Variants in SPINT1 observed in about 807,000 individuals in gnomAD.
The protein encoded by SPINT1 is kunitz-type protease inhibitor 1.
A neutral mutation model predicts 53.7 loss-of-function variants in SPINT1; 38 were observed. That is an observed-to-expected ratio of 0.71 (90% CI 0.55 to 0.93). The LOEUF (loss-of-function observed/expected upper bound fraction) is 0.93. SPINT1 is among the 40% of genes least tolerant of loss of function. The pLI is 0.00. For missense variants in SPINT1, 645 were observed against 692.9 expected, an observed-to-expected ratio of 0.93 and a Z score of 0.78; for synonymous variants, 283 against 280.6, an observed-to-expected ratio of 1.01 and a Z score of -0.08.
At chr15:40,854,159 C>G in intron 6 of SPINT1, 73 bp downstream of exon 6, 1 of 1,480,820 alleles carries the variant, frequency 6.8e-7, no homozygotes, top group Non-Finnish European at 9.1e-7. Flanking sequence ...TGCCCCTAAG[C>G]AGCCTGCCTT....
At chr15:40,847,664 C>T (rs1303904131) in intron 2 of SPINT1, among the ~76,000 whole-genome samples, 4 of 152,084 alleles carry the variant, frequency 2.6e-5, no homozygotes, top group African/African-American at 9.7e-5. Context: ...CCACTCTAGC[C>T]CTTTGCTCTC....
At chr15:40,852,956 G>A (rs1277428792) in intron 2 of SPINT1, among the ~76,000 whole-genome samples, 168 bp from the exon 3 acceptor site, 3 of 151,990 alleles carry the variant, frequency 2.0e-5, no homozygotes, top group African/African-American at 7.3e-5. Flanking sequence ...TCTGAATAGA[G>A]ATCAAGAAGC....
At chr15:40,849,012 C>T (rs1309635048) in intron 2 of SPINT1, among the ~76,000 whole-genome samples, 30 of 151,560 alleles carry the variant, frequency 2.0e-4, no homozygotes, top group Admixed American at 1.8e-3. Flanking sequence ...TTTGGGAGGC[C>T]GGGGCGGGCG....
rs1193865717 is a variant in SPINT1 at position 40,854,663 on chromosome 15, A to G, written c.1091A>G (p.Gln364Arg). Residue 364 changes from glutamine to arginine, a missense_variant, in exon 8 of 11, where the codon CAG (glutamine) becomes CGG (arginine). Physicochemically the swap from Gln to Arg is conservative, Grantham distance 43. Transcript: ENST00000562057. ...GACACGAGTGGCTTTGACGAGCTCC[A>G]GCGCATCCATTTCCCCAGTGACAAA... ...EKYTSGFDEL[Q>R]RIHFPSDKGH... 8 of 1,614,142 alleles carry G rather than the reference A, an allele frequency of 5.0e-6. No individual in the cohort carries two copies. Among genetic ancestry groups the G allele is most frequent in the Non-Finnish European group, 5.9e-6 (7 of 1,180,016 alleles).
intron 2 of SPINT1, among the ~76,000 whole-genome samples, chr15:40,846,715 G>C (rs1861606230): frequency 6.6e-6 from 1 of 152,172 alleles, no homozygotes; most frequent in Non-Finnish European, 1.5e-5. Context: ...GTGGAGAAAG[G>C]GCTTTCCTCC....
intron 2 of SPINT1, among the ~76,000 whole-genome samples, chr15:40,850,803 C>T (rs1891432400): frequency 6.6e-6 from 1 of 152,232 alleles, no homozygotes; most frequent in African/African-American, 2.4e-5. Context: ...AGCCTCCTCG[C>T]TCCACAGAAT....
intron 2 of SPINT1, 95 bp from the exon 3 acceptor site, chr15:40,853,029 G>A (rs1891508823): frequency 6.6e-7 from 1 of 1,522,138 alleles, no homozygotes; most frequent in African/African-American, 1.4e-5. Context: ...TTTGGTCTAG[G>A]TGGGGCCCAT....
intron 6 of SPINT1, 136 bp downstream of exon 6, chr15:40,854,222 C>A: frequency 7.4e-7 from 1 of 1,354,480 alleles, no homozygotes; most frequent in Non-Finnish European, 1.0e-6. Context: ...AAACATCCCA[C>A]CCCTTCCAGC....
Position 40,857,156 on chromosome 15 carries a change from A to C in SPINT1, c.*181A>C. On this transcript the variant is annotated 3_prime_UTR_variant, in exon 11 of 11. Transcript: ENST00000562057. ...TAAGCTCACGTCCTGAGAAAGCTCAAAGGTTTGGAAGGAGCAGAAAACCCT... is the reference window on the plus strand; with the variant it reads ...TAAGCTCACGTCCTGAGAAAGCTCACAGGTTTGGAAGGAGCAGAAAACCCT... The C allele has an allele frequency of 3.7e-6, 3 of 806,236 alleles. No individual in the cohort carries two copies. Among genetic ancestry groups the C allele is most frequent in the Non-Finnish European group, 5.7e-6 (3 of 527,002 alleles). The allele number at this position is 806,236 out of a possible 1,614,324, so 49.9% of individuals were successfully genotyped here.
intron 2 of SPINT1, 84 bp from the exon 3 acceptor site, chr15:40,853,040 A>T: frequency 6.5e-7 from 1 of 1,543,478 alleles, no homozygotes; most frequent in East Asian, 2.3e-5. Context: ...TGGGGCCCAT[A>T]CTTTCACCAC....
chr15:40,845,579 G>A (rs1891271108), intron 2 of SPINT1, among the ~76,000 whole-genome samples: 4 of 152,150 alleles, frequency 2.6e-5, no homozygotes, highest in Admixed American at 2.6e-4. Context: ...AAATGAAAGG[G>A]GACATGAGTA....
At chr15:40,854,034 C>G (rs766196867) in intron 5 of SPINT1, 26 bp from the exon 6 acceptor site, 39 of 1,567,242 alleles carry the variant, frequency 2.5e-5, no homozygotes, top group Non-Finnish European at 3.4e-5. Flanking sequence ...GTCATGCCTC[C>G]TCTCATTCTC....
intron 5 of SPINT1, 44 bp from the exon 6 acceptor site, chr15:40,854,016 G>A (rs373852046): frequency 1.3e-6 from 2 of 1,572,162 alleles, no homozygotes; most frequent in African/African-American, 1.4e-5. Context: ...CATCCCCACT[G>A]GAGCCTGGTC....
At position 40,855,979 on chromosome 15, in the gene SPINT1, G is replaced by T; in HGVS notation, c.1205G>T (p.Arg402Leu). The T allele has an allele frequency of 6.2e-7, 1 of 1,614,228 alleles. No homozygotes were observed. Among genetic ancestry groups the T allele is most frequent in the Non-Finnish European group, 8.5e-7 (1 of 1,180,042 alleles). The part of the protein sequence containing the change: ...YYNPFSEHCA[R>L]FTYGGCYGNK... ...AACCCCTTCAGCGAACACTGCGCCC[G>T]CTTTACCTATGGTGGTTGTTACGGC... The change falls in exon 9 of 11, where the codon CGC becomes CTC. Residue 402 changes from arginine to leucine, a missense_variant. Physicochemically the swap from Arg to Leu is moderately radical, Grantham distance 102. Coordinates refer to ENST00000562057, the MANE Select transcript of SPINT1 (RefSeq NM_003710.4).
intron 2 of SPINT1, among the ~76,000 whole-genome samples, chr15:40,852,627 C>CTGTGTGTGTGTGTG (rs3033553): frequency 6.1e-4 from 88 of 143,498 alleles, no homozygotes; most frequent in African/African-American, 2.1e-3. Context: ...AAGTAAGTGT[C>CTGTGTGTGTGTGTG]TGTGTGTGTG....
chr15:40,856,665 T>TC, intron 10 of SPINT1, 105 bp from the exon 11 acceptor site: 2 of 1,559,908 alleles, frequency 1.3e-6, no homozygotes, highest in Non-Finnish European at 8.7e-7. Context: ...CCCATGTCCT[T>TC]CCATACCTGG....
intron 2 of SPINT1, among the ~76,000 whole-genome samples, chr15:40,847,767 G>A (rs991799915): frequency 7.9e-5 from 12 of 152,206 alleles, no homozygotes; most frequent in East Asian, 7.7e-4. Context: ...TGTTGGGGTG[G>A]GATTCAGCCC....
In SPINT1 at chr15:40,854,106, C is replaced by G; in HGVS notation, c.940+20C>G. ...ATCCAGGTGGGCTTTACTCCCCTCC[C>G]CATCCCCCATCCCCACCACATCTCT... On this transcript the variant is annotated intron_variant, in intron 6 of 10. Coordinates refer to ENST00000562057, the MANE Select transcript of SPINT1 (RefSeq NM_003710.4). 3 of 1,529,898 alleles carry G rather than the reference C, an allele frequency of 2.0e-6. No homozygotes were observed. Among genetic ancestry groups the G allele is most frequent in the Non-Finnish European group, 2.6e-6 (3 of 1,141,222 alleles). 94.8% of individuals were successfully genotyped at this position (1,529,898 alleles called of 1,614,324 possible).
In SPINT1 at chr15:40,853,850, A is replaced by C; in HGVS notation, c.882A>C (p.Glu294Asp). The C allele has an allele frequency of 1.2e-6, 2 of 1,614,204 alleles. No homozygotes were observed. The highest frequency in any genetic ancestry group is 1.7e-6 in the Non-Finnish European group (2 of 1,180,032). The change falls in exon 5 of 11, where the codon GAA becomes GAC. Residue 294 changes from glutamate (E) to aspartate (D), a missense_variant. Coordinates refer to ENST00000562057, the MANE Select transcript of SPINT1 (RefSeq NM_003710.4). ...LGNKNNYLRE[E>D]ECILACRGVQ... ...ACAAGAACAACTACCTTCGGGAAGA[A>C]GAGTGCATTCTAGCCTGTCGGGGTG...
Sources: allele counts gnomAD v4.1 joint callset (sites outside exome capture counted in the v4.1 genomes callset), GRCh38; gene constraint gnomAD v4.1.1; transcripts MANE v1.5; gene names NCBI Gene and HGNC (gene_info 2026-07-23, HGNC 2026-07-21).